HECTD4: variants seen among roughly 807,000 people sequenced by gnomAD.
HECTD4 encodes HECT domain E3 ubiquitin protein ligase 4.
A neutral mutation model predicts 471.5 loss-of-function variants in HECTD4; 114 were observed. That is an observed-to-expected ratio of 0.24 (90% CI 0.21 to 0.28). The LOEUF is 0.28. Among genes scored for constraint, HECTD4 ranks in the 10% least tolerant of loss-of-function variants. The probability of loss-of-function intolerance (pLI) is 1.00; values close to 1 mark genes in which losing one functional copy is unlikely to be tolerated. For missense variants in HECTD4, 3,866 were observed against 5,651.5 expected (o/e 0.68, Z 10.13); for synonymous variants, 2,012 against 2,256.0 (o/e 0.89, Z 3.07).
At chr12:112,331,699 T>C (rs890054749) in intron 1 of HECTD4, among the ~76,000 whole-genome samples, 1 of 152,208 alleles carries the variant, frequency 6.6e-6, no homozygotes, top group African/African-American at 2.4e-5. Context: ...TTTTTCCTGA[T>C]GGTCATACAA....
chr12:112,162,647 A>G lies in HECTD4; in HGVS notation c.13121-124T>C. 1 of 1,159,190 alleles carries G rather than the reference A, an allele frequency of 8.6e-7. No individual in the cohort carries two copies. Among genetic ancestry groups the G allele is most frequent in the Admixed American group, 2.3e-5 (1 of 43,048 alleles). The allele number at this position is 1,159,190 out of a possible 1,614,324, so 71.8% of individuals were successfully genotyped here. ...TAGCCCCAAGCCAATCCTGGGGCCC[A>G]GCAGGAGGGGGATGAGGGCCTGGGA... On this transcript the variant is annotated intron_variant, in intron 75 of 75. Coordinates refer to ENST00000682272, the MANE Select transcript of HECTD4 (RefSeq NM_001388303.1). This position sits in a 1 kb window ranked among gnomAD's most constrained non-coding sequence, Gnocchi z 5.2.
chr12:112,346,624 G>A (rs936022184), intron 1 of HECTD4, among the ~76,000 whole-genome samples: 1 of 152,174 alleles, frequency 6.6e-6, no homozygotes, highest in African/African-American at 2.4e-5. Flanking sequence ...GCTTTCCAGA[G>A]AGAGAGAGAA....
At chr12:112,285,275 C>G (rs2034726464) in intron 7 of HECTD4, among the ~76,000 whole-genome samples, 1 of 152,076 alleles carries the variant, frequency 6.6e-6, no homozygotes, top group Admixed American at 6.6e-5. Context: ...TTAAATGGGA[C>G]CTTTCCCAAG....
intron 1 of HECTD4, among the ~76,000 whole-genome samples, chr12:112,373,718 C>G (rs925076827): frequency 2.0e-5 from 3 of 151,910 alleles, no homozygotes; most frequent in African/African-American, 7.3e-5. Context: ...CAGAAGATAA[C>G]TAGGGGCTGA....
At chr12:112,175,910 C>T (rs974777246) in intron 65 of HECTD4, 51 bp from the exon 66 acceptor site, 31 of 1,602,752 alleles carry the variant, frequency 1.9e-5, no homozygotes, top group African/African-American at 4.0e-5. Context: ...GCGCACATCG[C>T]GCGCCTCCAA....
At chr12:112,207,819 GCTC>G in intron 52 of HECTD4, 52 bp downstream of exon 52, 2 of 1,582,874 alleles carry the variant, frequency 1.3e-6, no homozygotes, top group South Asian at 2.3e-5. Flanking sequence ...TTTTCATCCA[GCTC>G]CTCACTTCAA....
intron 44 of HECTD4, among the ~76,000 whole-genome samples, chr12:112,225,805 AT>A (rs925888172): frequency 6.6e-6 from 1 of 152,140 alleles, no homozygotes; most frequent in Non-Finnish European, 1.5e-5. Context: ...ATATACACAT[AT>A]TTTTAGAGAC....
intron 2 of HECTD4, among the ~76,000 whole-genome samples, chr12:112,318,704 C>T (rs901488565): frequency 6.6e-6 from 1 of 152,144 alleles, no homozygotes; most frequent in Non-Finnish European, 1.5e-5. Flanking sequence ...TAGATATATA[C>T]TGAGAAATCT....
Position 112,183,123 on chromosome 12 carries a change from C to T in HECTD4, c.10923G>A (p.Gln3641=), listed in dbSNP as rs759566488. Residue 3641 remains glutamine, a synonymous_variant, in exon 62 of 76, where the codon CAG becomes CAA. Transcript: ENST00000682272. ...GGCTCCCTTGAGTATCAAAGAGACTCTGATTTACTACAGACACGGTTAGAA... is the reference window on the plus strand; with the variant it reads ...GGCTCCCTTGAGTATCAAAGAGACTTTGATTTACTACAGACACGGTTAGAA... The part of the protein sequence containing the change: ...EEILTVSVVN[Q]SLFDTQGSPG... The T allele has an allele frequency of 6.2e-7, 1 of 1,613,586 alleles. No homozygotes were observed. Among genetic ancestry groups the T allele is most frequent in the South Asian group, 1.1e-5 (1 of 91,066 alleles).
intron 49 of HECTD4, among the ~76,000 whole-genome samples, chr12:112,211,272 T>C (rs1351292729): frequency 2.0e-5 from 3 of 152,108 alleles, no homozygotes; most frequent in Admixed American, 2.0e-4. Flanking sequence ...TGACTATTCA[T>C]AGGTGCAATC....
chr12:112,366,992 C>T (rs757002323), intron 1 of HECTD4, among the ~76,000 whole-genome samples: 2 of 150,116 alleles, frequency 1.3e-5, no homozygotes, highest in Non-Finnish European at 3.0e-5. Context: ...TTGTTGACTG[C>T]CTTCAGAGGG....
At chr12:112,302,078 G>A (rs1566104847) in intron 7 of HECTD4, 2 of 1,375,694 alleles carry the variant, frequency 1.5e-6, no homozygotes, top group East Asian at 2.3e-5. Context: ...AGTGGTGCAG[G>A]TCTTCCTGTG....
chr12:112,297,752 AG>A lies in HECTD4; in HGVS notation c.1335+8311del, dbSNP rs569652801. Among the ~76,000 whole-genome samples, 4 of 152,276 alleles carry A rather than the reference AG, an allele frequency of 2.6e-5. No homozygotes were observed. In the South Asian group the frequency reaches 8.3e-4, roughly 32 times the overall value. Reference sequence around the variant, plus strand: ...AAGTCTAATATTCTGTGCACATACAAGCAAACAGCCACATCAATATGCACCT... The same window carrying A: ...AAGTCTAATATTCTGTGCACATACAACAAACAGCCACATCAATATGCACCT... On this transcript the variant is annotated intron_variant, in intron 7 of 75. Transcript: ENST00000682272.
At chr12:112,198,180 AC>A (rs2032303750) in intron 55 of HECTD4, among the ~76,000 whole-genome samples, 1 of 152,224 alleles carries the variant, frequency 6.6e-6, no homozygotes. Context: ...AGCAGTAAAA[AC>A]ATCAGGTCCT....
chr12:112,273,119 G>A lies in HECTD4; in HGVS notation c.1942+536C>T, dbSNP rs11066227. Among the ~76,000 whole-genome samples, 8,476 of 152,220 alleles carry A rather than the reference G, an allele frequency of 0.056. 1,296 individuals are homozygous for A. In the East Asian group the frequency reaches 0.61, roughly 11 times the overall value. On this transcript the variant is annotated intron_variant, in intron 11 of 75. Coordinates refer to ENST00000682272, the MANE Select transcript of HECTD4 (RefSeq NM_001388303.1). Reference sequence around the variant, plus strand: ...CCAGGGCCTGGAAATGGTTGTTTTTGATAATTGCCTGTTTTAGTGTTGCTT... The same window carrying A: ...CCAGGGCCTGGAAATGGTTGTTTTTAATAATTGCCTGTTTTAGTGTTGCTT...
intron 50 of HECTD4, 33 bp from the exon 51 acceptor site, chr12:112,208,663 A>G: frequency 1.3e-6 from 2 of 1,509,790 alleles, no homozygotes; most frequent in Non-Finnish European, 1.8e-6. Context: ...CGAATTCTAA[A>G]CAAGAGCAGG....
chr12:112,220,386 A>T (rs1182355258), intron 44 of HECTD4, among the ~76,000 whole-genome samples: 1 of 152,088 alleles, frequency 6.6e-6, no homozygotes, highest in East Asian at 1.9e-4. Flanking sequence ...AGTAAAGAGC[A>T]CAGTGCTGGG....
At chr12:112,232,280 G>C (rs2033399986) in intron 38 of HECTD4, among the ~76,000 whole-genome samples, 1 of 152,132 alleles carries the variant, frequency 6.6e-6, no homozygotes, top group Non-Finnish European at 1.5e-5. Flanking sequence ...ACAGGAGCCT[G>C]CCACCACGTC....
At chr12:112,216,432 C>A in intron 47 of HECTD4, 61 bp from the exon 48 acceptor site, 2 of 1,158,654 alleles carry the variant, frequency 1.7e-6, no homozygotes, top group Non-Finnish European at 2.5e-6. Context: ...CTGGCCAACA[C>A]ACAAACAGGG....
Sources: gnomAD v4.1 joint callset for allele counts (sites outside exome capture counted in the v4.1 genomes callset) on GRCh38, gnomAD v4.1.1 for gene constraint, Gnocchi (gnomAD v3.1) non-coding constraint, MANE v1.5 for transcripts, NCBI Gene and HGNC (gene_info 2026-07-23, HGNC 2026-07-21) for gene names.